Variants in TENM2 observed in about 807,000 individuals in gnomAD.
The protein encoded by TENM2 is teneurin-2.
TENM2 carries 52 observed loss-of-function variants against 245.2 expected under a neutral mutation model. That is an observed-to-expected ratio of 0.21 (90% CI 0.17 to 0.27). TENM2 has a LOEUF of 0.27. Ranked by LOEUF, TENM2 falls within the 10% of genes least tolerant of loss-of-function variation. The pLI is 1.00. For synonymous variants in TENM2, 1,363 were observed against 1,438.9 expected, an observed-to-expected ratio of 0.95 and a Z score of 1.19; for missense variants, 3,046 against 3,666.8, an observed-to-expected ratio of 0.83 and a Z score of 4.37.
intron 2 of TENM2, among the ~76,000 whole-genome samples, chr5:167,602,193 C>G (rs1471769849): frequency 6.6e-6 from 1 of 152,118 alleles, no homozygotes; most frequent in Non-Finnish European, 1.5e-5. Context: ...AATAATAGAG[C>G]GTTTTCAGAC....
chr5:167,572,492 CA>C (rs1774337919), intron 2 of TENM2, among the ~76,000 whole-genome samples: 1 of 152,190 alleles, frequency 6.6e-6, no homozygotes, highest in African/African-American at 2.4e-5. Context: ...GATGGCCAGT[CA>C]AAAGCTTGGG....
intron 25 of TENM2, among the ~76,000 whole-genome samples, chr5:168,238,224 GAAAA>G (rs1765725452): frequency 7.7e-5 from 4 of 51,888 alleles, no homozygotes; most frequent in African/African-American, 3.1e-4. Context: ...GGAGAGAGAA[GAAAA>G]GAAAAGAAAA....
the TENM2 span, among the ~76,000 whole-genome samples, chr5:167,254,037 C>T: frequency 2.0e-5 from 3 of 151,884 alleles, no homozygotes; most frequent in African/African-American, 4.8e-5. Context: ...TTGCTCTCAC[C>T]GAGATATTTA....
chr5:167,872,288 G>GAGAA lies in TENM2; in HGVS notation c.503-3694_503-3691dup, dbSNP rs1346015918. 4.3e-5 allele frequency among the ~76,000 whole-genome samples: 3 copies of GAGAA among 69,308 alleles called. No homozygotes were observed. The East Asian group carries it at 1.2e-3, about 27-fold the overall frequency. The allele number at this position is 69,308 out of a possible 152,430, so 45.5% of individuals were successfully genotyped here. ...CCATGTCAAAAAAGAAAAAAAGAAA[G>GAGAA]AGAAAGATAGAAAGAAAGAAAGAAA... On this transcript the variant is annotated intron_variant, in intron 2 of 28. Transcript: ENST00000518659.
the TENM2 span, among the ~76,000 whole-genome samples, chr5:166,979,207 CAG>C: frequency 1.4e-5 from 2 of 145,406 alleles, no homozygotes; most frequent in Non-Finnish European, 3.0e-5. Context: ...GCAGCAGCAG[CAG>C]CAGCAGCAGC....
chr5:167,500,517 A>G (rs1769143553), intron 2 of TENM2, among the ~76,000 whole-genome samples: 1 of 152,178 alleles, frequency 6.6e-6, no homozygotes, highest in East Asian at 1.9e-4. Context: ...ATAGGAACCA[A>G]GGTGACCTAG....
chr5:167,821,077 A>T (rs1561818399), intron 2 of TENM2: 1 of 152,214 alleles, frequency 6.6e-6, no homozygotes, highest in Non-Finnish European at 1.5e-5. Context: ...ATTGTAGAGG[A>T]TCTTCAGGGA....
intron 2 of TENM2, among the ~76,000 whole-genome samples, chr5:167,516,501 C>G (rs1173492295): frequency 6.6e-6 from 1 of 152,102 alleles, no homozygotes; most frequent in African/African-American, 2.4e-5. Flanking sequence ...GTGCTCTTGA[C>G]TAGTAACTTA....
At chr5:167,392,237 T>C (rs1011972032) in intron 2 of TENM2, among the ~76,000 whole-genome samples, 1 of 152,168 alleles carries the variant, frequency 6.6e-6, no homozygotes, top group African/African-American at 2.4e-5. Context: ...AGAGTTCTCA[T>C]ATAATTGTAA....
At chr5:167,902,359 G>A (rs1209069003) in intron 3 of TENM2, among the ~76,000 whole-genome samples, 1 of 152,130 alleles carries the variant, frequency 6.6e-6, no homozygotes, top group Non-Finnish European at 1.5e-5. Context: ...AATCTGGAAG[G>A]CTGGCTGGAG....
chr5:168,071,305 C>T (rs1220399262), intron 7 of TENM2, among the ~76,000 whole-genome samples: 1 of 152,216 alleles, frequency 6.6e-6, no homozygotes, highest in Non-Finnish European at 1.5e-5. Flanking sequence ...TCAAAGCATT[C>T]ATGACACACA....
At chr5:167,096,872 G>A in the TENM2 span, among the ~76,000 whole-genome samples, 1 of 152,136 alleles carries the variant, frequency 6.6e-6, no homozygotes, top group African/African-American at 2.4e-5. Context: ...CATGCAACAT[G>A]TGTAGACCTG....
chr5:168,216,236 C>A (rs1013794978), intron 21 of TENM2, among the ~76,000 whole-genome samples: 9 of 152,114 alleles, frequency 5.9e-5, no homozygotes, highest in Admixed American at 5.2e-4. Context: ...ATGCTAGGCC[C>A]CAGTGTCCCC....
chr5:167,208,029 C>T, the TENM2 span, among the ~76,000 whole-genome samples: 2 of 152,212 alleles, frequency 1.3e-5, no homozygotes, highest in Admixed American at 6.5e-5. Context: ...GCTGGGATTA[C>T]AGGCGTGAGC....
chr5:167,085,239 G>C, the TENM2 span, among the ~76,000 whole-genome samples: 1 of 152,134 alleles, frequency 6.6e-6, no homozygotes, highest in African/African-American at 2.4e-5. Flanking sequence ...TTAAAGCAAA[G>C]ATGCTGAAAT....
In TENM2 at chr5:168,031,208, A is replaced by G. The variant is rs536703349; in HGVS notation, c.1187-16219A>G. 2.0e-5 allele frequency among the ~76,000 whole-genome samples: 3 copies of G among 152,326 alleles called. No homozygotes were observed. The East Asian group carries it at 5.8e-4, about 29-fold the overall frequency. On this transcript the variant is annotated intron_variant, in intron 5 of 28. Transcript: ENST00000518659. ...GGATCGGGGATCTGTGCTTTTCAAT[A>G]GAGATGAATGTCCTCTCTGCCAAGG...
At chr5:168,169,918 T>G (rs7711412) in intron 13 of TENM2, among the ~76,000 whole-genome samples, 50,108 of 152,096 alleles carry the variant, frequency 0.33, 8,619 homozygotes, top group African/African-American at 0.37. Flanking sequence ...ACAGAGTCCC[T>G]GATTAGCTCC....
At chr5:168,062,875 G>C (rs762892591) in intron 7 of TENM2, among the ~76,000 whole-genome samples, 3 of 152,192 alleles carry the variant, frequency 2.0e-5, no homozygotes, top group Non-Finnish European at 4.4e-5. Context: ...GGGAATTGGG[G>C]CTAACTGCCA....
chr5:167,379,098 T>C (rs1445348532), intron 2 of TENM2, among the ~76,000 whole-genome samples: 2 of 152,186 alleles, frequency 1.3e-5, no homozygotes, highest in Non-Finnish European at 2.9e-5. Flanking sequence ...CATTTTCATC[T>C]GTTGTAATTG....
Sources: allele counts gnomAD v4.1 joint callset (sites outside exome capture counted in the v4.1 genomes callset), GRCh38; gene constraint gnomAD v4.1.1; transcripts MANE v1.5; gene names NCBI Gene and HGNC (gene_info 2026-07-23, HGNC 2026-07-21).